Variants in RYR2 observed in about 807,000 individuals in gnomAD.
RYR2 encodes the protein ryanodine receptor 2.
RYR2 carries 227 observed loss-of-function variants against 601.1 expected under a neutral mutation model. The ratio of observed to expected loss-of-function variants is 0.38; its 90% CI spans 0.34 to 0.42. RYR2 has a LOEUF of 0.42. Among genes scored for constraint, RYR2 ranks in the 10% least tolerant of loss-of-function variants. The pLI, the probability that RYR2 is intolerant of heterozygous loss-of-function variation, is 1.00. For missense variants in RYR2, 4,646 were observed against 6,156.5 expected (o/e 0.75, Z 8.21); for synonymous variants, 2,223 against 2,175.1 (o/e 1.02, Z -0.61).
In RYR2 at chr1:237,418,425, G is replaced by A. The variant is rs79862872; in HGVS notation, c.848+1302G>A. Among the ~76,000 whole-genome samples, 80 of 152,228 alleles carry A rather than the reference G, an allele frequency of 5.3e-4. 1 individual carries two copies. The East Asian group carries it at 0.014, about 26-fold the overall frequency. On this transcript the variant is annotated intron_variant, in intron 11 of 104. Coordinates refer to ENST00000366574, the MANE Select transcript of RYR2 (RefSeq NM_001035.3). Reference sequence around the variant, plus strand: ...GAGAATAGTTTAGAGGCCTTCAGTCGTTTCTGCTCCTGTGTCCCATGCAAT... The same window carrying A: ...GAGAATAGTTTAGAGGCCTTCAGTCATTTCTGCTCCTGTGTCCCATGCAAT...
At chr1:237,346,956 T>G (rs537574592) in intron 3 of RYR2, among the ~76,000 whole-genome samples, 19 of 152,324 alleles carry the variant, frequency 1.2e-4, no homozygotes, top group African/African-American at 4.6e-4. Flanking sequence ...CCTGGTCTGC[T>G]CCTGTGAACA....
intron 27 of RYR2, among the ~76,000 whole-genome samples, chr1:237,555,486 C>G (rs16835387): frequency 6.6e-6 from 1 of 152,066 alleles, no homozygotes; most frequent in Non-Finnish European, 1.5e-5. Flanking sequence ...TATAGTCTGA[C>G]ACATCAACCA....
chr1:237,806,849 C>T (rs1314039132), intron 99 of RYR2, among the ~76,000 whole-genome samples: 1 of 152,190 alleles, frequency 6.6e-6, no homozygotes, highest in Non-Finnish European at 1.5e-5. Flanking sequence ...AGAAAATGCA[C>T]TTACGTTCCA....
chr1:237,681,484 C>T (rs1234244767), intron 62 of RYR2, among the ~76,000 whole-genome samples: 4 of 152,112 alleles, frequency 2.6e-5, no homozygotes, highest in African/African-American at 9.7e-5. Flanking sequence ...ATCTCTTTCA[C>T]TTATTGTCTA....
intron 1 of RYR2, among the ~76,000 whole-genome samples, chr1:237,061,963 A>G (rs1662949100): frequency 6.6e-6 from 1 of 152,190 alleles, no homozygotes; most frequent in South Asian, 2.1e-4. Flanking sequence ...ATGGATGTCC[A>G]ATTGATCCAG....
chr1:237,690,895 A>G (rs1227694149), intron 63 of RYR2, among the ~76,000 whole-genome samples: 2 of 152,356 alleles, frequency 1.3e-5, no homozygotes, highest in Middle Eastern at 3.4e-3. Flanking sequence ...GAAGTGTTAT[A>G]ACCCAACTAT....
chr1:237,072,271 C>T (rs982150524), intron 1 of RYR2, among the ~76,000 whole-genome samples: 5 of 152,344 alleles, frequency 3.3e-5, no homozygotes, highest in African/African-American at 4.8e-5. Flanking sequence ...GGGCCACCGC[C>T]GCCATCACTG....
intron 5 of RYR2, among the ~76,000 whole-genome samples, chr1:237,368,671 C>A (rs1049194301): frequency 2.0e-5 from 3 of 152,148 alleles, no homozygotes; most frequent in Non-Finnish European, 4.4e-5. Context: ...AAGAAGCACT[C>A]TTCTATTTCA....
chr1:237,119,046 A>G (rs573602215), intron 1 of RYR2, among the ~76,000 whole-genome samples: 2 of 152,272 alleles, frequency 1.3e-5, no homozygotes, highest in Middle Eastern at 3.4e-3. Flanking sequence ...TCATAAGTTG[A>G]AGCCCTAACC....
intron 1 of RYR2, among the ~76,000 whole-genome samples, chr1:237,135,098 C>A (rs1021180160): frequency 6.6e-6 from 1 of 152,168 alleles, no homozygotes; most frequent in African/African-American, 2.4e-5. Flanking sequence ...GTATGCAAGT[C>A]CCTGGTGGTA....
At chr1:237,720,830 A>G (rs992130870) in intron 73 of RYR2, among the ~76,000 whole-genome samples, 2 of 152,224 alleles carry the variant, frequency 1.3e-5, no homozygotes, top group African/African-American at 4.8e-5. Flanking sequence ...TATAAGCAGA[A>G]AGAAGTTTGT....
intron 1 of RYR2, among the ~76,000 whole-genome samples, chr1:237,115,310 A>G (rs372656997): frequency 2.6e-5 from 4 of 152,052 alleles, no homozygotes; most frequent in African/African-American, 9.6e-5. Context: ...GAGACCATCC[A>G]TTGTACAAGA....
At chr1:237,340,085 A>G (rs572661975) in intron 3 of RYR2, among the ~76,000 whole-genome samples, 1 of 152,344 alleles carries the variant, frequency 6.6e-6, no homozygotes, top group South Asian at 2.1e-4. Flanking sequence ...GCTACATCAT[A>G]TAGCAGATAC....
At chr1:237,052,008 T>C (rs954061544) in intron 1 of RYR2, among the ~76,000 whole-genome samples, 2 of 152,222 alleles carry the variant, frequency 1.3e-5, no homozygotes, top group African/African-American at 4.8e-5. Context: ...GGTCCTGTGT[T>C]TAATGTTTGT....
chr1:237,150,602 T>G (rs765227016), intron 1 of RYR2, among the ~76,000 whole-genome samples: 2 of 152,200 alleles, frequency 1.3e-5, no homozygotes, highest in Non-Finnish European at 2.9e-5. Context: ...TAGCATAGTC[T>G]GTACAAACAT....
chr1:237,735,931 A>G (rs1036904927), intron 79 of RYR2, among the ~76,000 whole-genome samples: 3 of 152,218 alleles, frequency 2.0e-5, no homozygotes, highest in African/African-American at 4.8e-5. Flanking sequence ...TTCAGAACCA[A>G]TGGAGGGCCA....
chr1:237,396,485 A>AT (rs1421562897), intron 10 of RYR2, among the ~76,000 whole-genome samples: 6 of 152,190 alleles, frequency 3.9e-5, no homozygotes, highest in African/African-American at 7.2e-5. Context: ...AACATGCACA[A>AT]TTTTTGTGAT....
chr1:237,266,816 T>C (rs956548940), intron 1 of RYR2, among the ~76,000 whole-genome samples: 9 of 152,140 alleles, frequency 5.9e-5, no homozygotes, highest in Non-Finnish European at 1.2e-4. Flanking sequence ...TGAACCATGA[T>C]TGAAAGCTGT....
At chr1:237,371,827 C>A (rs1558702505) in intron 6 of RYR2, among the ~76,000 whole-genome samples, 2 of 152,226 alleles carry the variant, frequency 1.3e-5, no homozygotes, top group East Asian at 1.9e-4. Flanking sequence ...TGTTCTCACT[C>A]ATAGGTGGGA....
Sources: gnomAD v4.1 joint callset for allele counts (sites outside exome capture counted in the v4.1 genomes callset) on GRCh38, gnomAD v4.1.1 for gene constraint, MANE v1.5 for transcripts, NCBI Gene and HGNC (gene_info 2026-07-23, HGNC 2026-07-21) for gene names.